The following SDHA variants were observed in gnomAD, a reference collection of about 807,000 sequenced individuals.
SDHA encodes succinate dehydrogenase [ubiquinone] flavoprotein subunit, mitochondrial.
A neutral mutation model predicts 78.4 loss-of-function variants in SDHA; 48 were observed. The ratio of observed to expected loss-of-function variants is 0.61; its 90% CI spans 0.49 to 0.78. SDHA has a LOEUF of 0.78. SDHA is among the 30% of genes least tolerant of loss of function. SDHA has a pLI of 0.00. For synonymous variants in SDHA, 326 were observed against 353.9 expected, an observed-to-expected ratio of 0.92 and a Z score of 0.88; for missense variants, 680 against 892.7, an observed-to-expected ratio of 0.76 and a Z score of 3.04.
intron 1 of SDHA, among the ~76,000 whole-genome samples, chr5:219,941 G>A (rs2126528740): frequency 6.6e-6 from 1 of 152,296 alleles, no homozygotes; most frequent in Middle Eastern, 3.4e-3. Flanking sequence ...CAGAAATTCT[G>A]CCTGCAAGCA....
intron 11 of SDHA, among the ~76,000 whole-genome samples, chr5:242,252 C>T (rs1465070575): frequency 6.6e-6 from 1 of 152,204 alleles, no homozygotes; most frequent in African/African-American, 2.4e-5. Context: ...ATCTCTGCAG[C>T]ACTGTGACAT....
downstream of SDHA, among the ~76,000 whole-genome samples, chr5:257,504 G>A (rs1438412969): frequency 3.5e-5 from 3 of 86,634 alleles, no homozygotes; most frequent in South Asian, 4.1e-4. Flanking sequence ...GAGCGTTACC[G>A]TGAGCTCCGC....
chr5:258,646 G>T (rs1007504638), downstream of SDHA, among the ~76,000 whole-genome samples: 1 of 37,148 alleles, frequency 2.7e-5, no homozygotes, highest in Non-Finnish European at 5.7e-5. Flanking sequence ...CCTCCCGCCA[G>T]AGCATTACCG....
chr5:236,300 A>T, intron 9 of SDHA, 128 bp from the exon 10 acceptor site: 2 of 904,936 alleles, frequency 2.2e-6, no homozygotes, highest in Non-Finnish European at 3.6e-6. Flanking sequence ...CTGAGATTAC[A>T]GGCGTGAGCC....
Position 224,235 on chromosome 5 carries a change from G to A in SDHA, c.151-125G>A, listed in dbSNP as rs566044032. On this transcript the variant is annotated intron_variant, in intron 2 of 14. Coordinates refer to ENST00000264932, the MANE Select transcript of SDHA (RefSeq NM_004168.4). ...CTGTTCAGGGCTCAGCCCCAGGACA[G>A]GATGGAGGCCCTGTGTGCCCAGCAG... is the stretch of plus-strand genomic sequence containing the variant. 71 of 1,016,988 alleles carry A rather than the reference G, an allele frequency of 7.0e-5. No homozygotes were observed. The East Asian group carries it at 1.4e-3, about 20-fold the overall frequency. 63.0% of individuals were successfully genotyped at this position (1,016,988 alleles called of 1,614,324 possible).
intron 1 of SDHA, among the ~76,000 whole-genome samples, chr5:218,638 C>G (rs1026366136): frequency 2.6e-5 from 4 of 152,164 alleles, no homozygotes; most frequent in Non-Finnish European, 5.9e-5. Flanking sequence ...TAGTCCGCGT[C>G]CGGGTGAAGG....
intron 7 of SDHA, among the ~76,000 whole-genome samples, chr5:232,129 C>T (rs1309938790): frequency 6.6e-6 from 1 of 152,158 alleles, no homozygotes; most frequent in Admixed American, 6.5e-5. Flanking sequence ...AAGAACCAGA[C>T]CTGTGTCTTC....
At position 227,944 on chromosome 5, in the gene SDHA, A is replaced by G. The variant is rs533408789; in HGVS notation, c.622-241A>G. On this transcript the variant is annotated intron_variant, in intron 5 of 14. Transcript: ENST00000264932. ...TCTTCGGGTTGTGTAGAAGTAGGAA[A>G]TGTGTCACCAAAATAGGAGCTGTTG... 608 of 497,860 alleles carry G rather than the reference A, an allele frequency of 1.2e-3. 3 individuals are homozygous for G. The highest frequency in any genetic ancestry group is 1.6e-3 in the Non-Finnish European group (438 of 272,218). The allele number at this position is 497,860 out of a possible 1,614,324, so 30.8% of individuals were successfully genotyped here.
chr5:243,931 A>G (rs1736288670), intron 11 of SDHA, among the ~76,000 whole-genome samples: 1 of 152,186 alleles, frequency 6.6e-6, no homozygotes, highest in Non-Finnish European at 1.5e-5. Context: ...TGGTCATACT[A>G]AAAAAGAATG....
At chr5:247,741 G>A (rs1175181293) in intron 11 of SDHA, among the ~76,000 whole-genome samples, 3 of 152,278 alleles carry the variant, frequency 2.0e-5, no homozygotes, top group Admixed American at 1.3e-4. Flanking sequence ...TACGTTAAAC[G>A]TCACCTTTTG....
Position 235,194 on chromosome 5 carries a change from C to G in SDHA, c.1115C>G (p.Pro372Arg), listed in dbSNP as rs141493530. The G allele has an allele frequency of 9.0e-5, 145 of 1,613,890 alleles. No individual in the cohort carries two copies. Among genetic ancestry groups the G allele is most frequent in the Non-Finnish European group, 1.2e-4 (139 of 1,179,878 alleles). The change falls in exon 9 of 15, where the codon CCT becomes CGT. Residue 372 changes from proline (P) to arginine (R), a missense_variant. Pro to Arg is a moderately radical substitution (Grantham distance 103, BLOSUM62 -2). Transcript: ENST00000264932. Reference protein sequence around the residue: ...DHVYLQLHHLPPEQLATRLPG... With the variant: ...DHVYLQLHHLRPEQLATRLPG... ...GTCTACCTGCAGCTGCACCACCTAC[C>G]TCCAGAGCAGCTGGCCACGCGCCTG...
intron 11 of SDHA, among the ~76,000 whole-genome samples, chr5:246,505 G>C (rs73730785): frequency 0.24 from 36,176 of 149,504 alleles, 6,734 homozygotes; most frequent in African/African-American, 0.53. Context: ...GAGAAGACTT[G>C]AGCTGCAGCT....
rs753335035 is a variant in SDHA at position 218,336 on chromosome 5, G to A, written c.-20G>A. The A allele has an allele frequency of 2.8e-6, 4 of 1,444,006 alleles. No individual in the cohort carries two copies. The highest frequency in any genetic ancestry group is 2.7e-6 in the Non-Finnish European group (3 of 1,107,468). 89.4% of individuals were successfully genotyped at this position (1,444,006 alleles called of 1,614,324 possible). ...AGTCTGCGCAGGGACTGGCGGGACT[G>A]CGCGGCGGCAACAGCAGACATGTCG... On this transcript the variant is annotated 5_prime_UTR_variant, in exon 1 of 15. Transcript: ENST00000264932.
intron 1 of SDHA, among the ~76,000 whole-genome samples, chr5:219,704 A>T (rs1734606297): frequency 6.6e-6 from 1 of 152,184 alleles, no homozygotes; most frequent in South Asian, 2.1e-4. Flanking sequence ...AGGAAAGCCC[A>T]TGGTCAGTGG....
At chr5:236,181 T>G in intron 9 of SDHA, 1 of 515,282 alleles carries the variant, frequency 1.9e-6, no homozygotes, top group East Asian at 3.6e-5. Context: ...CCCGCCATTA[T>G]GCCCCGCTAA....
At chr5:262,495 G>A in the SDHA span, among the ~76,000 whole-genome samples, 1 of 152,234 alleles carries the variant, frequency 6.6e-6, no homozygotes, top group Non-Finnish European at 1.5e-5. Context: ...ACCCTGTTGT[G>A]AACTGCACAT....
intron 11 of SDHA, among the ~76,000 whole-genome samples, chr5:247,766 A>C (rs1033350900): frequency 6.6e-6 from 1 of 152,222 alleles, no homozygotes; most frequent in African/African-American, 2.4e-5. Flanking sequence ...GTTTTGTGGT[A>C]ATTGGCATTC....
intron 1 of SDHA, 142 bp downstream of exon 1, chr5:218,560 C>A: frequency 1.6e-6 from 1 of 641,916 alleles, no homozygotes; most frequent in Non-Finnish European, 2.3e-6. Context: ...GCTGAGAGAG[C>A]CCTGGGCCGG....
the SDHA span, among the ~76,000 whole-genome samples, chr5:266,514 A>T: frequency 6.6e-6 from 1 of 152,216 alleles, no homozygotes; most frequent in East Asian, 1.9e-4. Context: ...TACTCCATGG[A>T]GTACTATATG....
Sources: gnomAD v4.1 joint callset for allele counts (sites outside exome capture counted in the v4.1 genomes callset) on GRCh38, gnomAD v4.1.1 for gene constraint, MANE v1.5 for transcripts, NCBI Gene and HGNC (gene_info 2026-07-23, HGNC 2026-07-21) for gene names.